Variants in RAPH1 observed in about 807,000 individuals in gnomAD.
The protein encoded by RAPH1 is ras-associated and pleckstrin homology domains-containing protein 1.
In RAPH1, 18 loss-of-function variants were observed where a neutral mutation model predicts 88.1. That is an observed-to-expected ratio of 0.20 (90% CI 0.14 to 0.30). The LOEUF (loss-of-function observed/expected upper bound fraction) is 0.30. RAPH1 is among the 10% of genes least tolerant of loss of function. The pLI, the probability that RAPH1 is intolerant of heterozygous loss-of-function variation, is 1.00. For missense variants in RAPH1, 1,448 were observed against 1,543.2 expected (o/e 0.94, Z 1.03); for synonymous variants, 587 against 559.0 (o/e 1.05, Z -0.71).
chr2:203,483,811 C>A (rs1260146906), intron 4 of RAPH1, among the ~76,000 whole-genome samples: 1 of 152,128 alleles, frequency 6.6e-6, no homozygotes, highest in Non-Finnish European at 1.5e-5. Flanking sequence ...ACACTCTGCT[C>A]CTACTCTTGG....
At chr2:203,471,813 C>CCTTAT (rs113534798) in intron 4 of RAPH1, among the ~76,000 whole-genome samples, 2 of 54,630 alleles carry the variant, frequency 3.7e-5, no homozygotes, top group Non-Finnish European at 8.1e-5. Flanking sequence ...CTCACCCATT[C>CCTTAT]TTTAAAAAAA....
At chr2:203,466,838 T>C (rs375489672) in intron 4 of RAPH1, among the ~76,000 whole-genome samples, 1 of 152,184 alleles carries the variant, frequency 6.6e-6, no homozygotes, top group East Asian at 1.9e-4. Context: ...GAAGATCCTA[T>C]GATTAAATGA....
chr2:203,493,989 A>G (rs1035296413), intron 2 of RAPH1, among the ~76,000 whole-genome samples: 4 of 150,586 alleles, frequency 2.7e-5, no homozygotes, highest in South Asian at 2.1e-4. Context: ...AAAAAAAAAA[A>G]AAAAAAAAAG....
rs2098497075 is a variant in RAPH1, at chr2:203,434,770, ATAAT to A, written c.*4663_*4666del. Reference sequence around the variant, plus strand: ...GTATTAGTAGCCATCCATGATAAACATAATTAATTCTCAACTTAACCATCTATAA... The same window carrying A: ...GTATTAGTAGCCATCCATGATAAACATAATTCTCAACTTAACCATCTATAA... On this transcript the variant is annotated 3_prime_UTR_variant, in exon 14 of 14. Coordinates refer to ENST00000319170, the MANE Select transcript of RAPH1 (RefSeq NM_213589.3). The A allele has an allele frequency of 2.0e-5, 3 of 152,572 alleles. No individual in the cohort carries two copies. Among genetic ancestry groups the A allele is most frequent in the South Asian group, 2.1e-4 (1 of 4,830 alleles). The allele number at this position is 152,572 out of a possible 1,614,324, so 9.5% of individuals were successfully genotyped here.
chr2:203,528,186 T>C (rs1230294629), intron 1 of RAPH1, among the ~76,000 whole-genome samples: 3 of 152,210 alleles, frequency 2.0e-5, no homozygotes, highest in African/African-American at 4.8e-5. Context: ...AACAGAAACA[T>C]GGTTAATGCA....
At chr2:203,450,995 A>G (rs2153637583) in intron 10 of RAPH1, among the ~76,000 whole-genome samples, 1 of 152,266 alleles carries the variant, frequency 6.6e-6, no homozygotes, top group East Asian at 1.9e-4. Flanking sequence ...GAATACAGAT[A>G]ATAACCTGAA....
chr2:203,457,692 A>G, intron 7 of RAPH1, 97 bp from the exon 8 acceptor site: 1 of 913,014 alleles, frequency 1.1e-6, no homozygotes, highest in Non-Finnish European at 1.8e-6. Flanking sequence ...AGGTGTGTGT[A>G]TGTTTTCTTC....
chr2:203,477,204 C>A, intron 4 of RAPH1: 1 of 1,417,702 alleles, frequency 7.1e-7, no homozygotes, highest in Non-Finnish European at 1.0e-6. Flanking sequence ...GGAGGTGAAA[C>A]GGGCAGTTCT....
chr2:203,531,775 T>C (rs527385914), intron 1 of RAPH1, among the ~76,000 whole-genome samples: 5 of 152,268 alleles, frequency 3.3e-5, no homozygotes, highest in Non-Finnish European at 7.4e-5. Flanking sequence ...ACTGGAACCT[T>C]TGTGCATTGC....
chr2:203,467,613 A>C lies in RAPH1; in HGVS notation c.733-5688T>G, dbSNP rs1392301719. ...GACTCTGTCTCAAAATAATAATAAA[A>C]ATTTTAAAAATTCGCTATATACAGG... On this transcript the variant is annotated intron_variant, in intron 4 of 13. Transcript: ENST00000319170. 5.9e-5 allele frequency among the ~76,000 whole-genome samples: 9 copies of C among 151,942 alleles called. No individual in the cohort carries two copies. In the South Asian group the frequency reaches 1.9e-3, roughly 32 times the overall value.
In RAPH1 at chr2:203,437,973, A is replaced by G. The variant is rs1466201185; in HGVS notation, c.*1464T>C. ...TAATAGTCCAATTTATCATAAGTTGATGAGAGTACTTATTTCTCTCATGTA... is the reference window on the plus strand; with the variant it reads ...TAATAGTCCAATTTATCATAAGTTGGTGAGAGTACTTATTTCTCTCATGTA... On this transcript the variant is annotated 3_prime_UTR_variant, in exon 14 of 14. Coordinates refer to ENST00000319170, the MANE Select transcript of RAPH1 (RefSeq NM_213589.3). 2.9e-6 allele frequency: 1 copy of G among 341,744 alleles called. No homozygotes were observed. The highest frequency in any genetic ancestry group is 7.9e-5 in the East Asian group (1 of 12,694). The allele number at this position is 341,744 out of a possible 1,614,324, so 21.2% of individuals were successfully genotyped here.
At chr2:203,530,778 G>A (rs1690354406) in intron 1 of RAPH1, among the ~76,000 whole-genome samples, 1 of 151,968 alleles carries the variant, frequency 6.6e-6, no homozygotes, top group Non-Finnish European at 1.5e-5. Flanking sequence ...TGTAATCCCA[G>A]CTACTCGGGA....
At position 203,502,677 on chromosome 2, in the gene RAPH1, G is replaced by A. The variant is rs1057195417; in HGVS notation, c.1-7324C>T. On this transcript the variant is annotated intron_variant, in intron 1 of 13. Transcript: ENST00000319170. Reference sequence around the variant, plus strand: ...TCTACTAAAAATACAAAAATTAGCCGGGTGTGGTGGCAGGTGCCTGTAGTC... The same window carrying A: ...TCTACTAAAAATACAAAAATTAGCCAGGTGTGGTGGCAGGTGCCTGTAGTC... 1.9e-4 allele frequency among the ~76,000 whole-genome samples: 29 copies of A among 151,508 alleles called. No individual in the cohort carries two copies. In the East Asian group the frequency reaches 3.9e-3, roughly 20 times the overall value.
intron 1 of RAPH1, among the ~76,000 whole-genome samples, chr2:203,509,010 G>C (rs544365686): frequency 3.2e-4 from 47 of 148,800 alleles, no homozygotes; most frequent in African/African-American, 1.2e-3. Flanking sequence ...ATCTTAGAAA[G>C]ATATTTATTC....
chr2:203,463,635 T>C (rs1019370419), intron 4 of RAPH1, among the ~76,000 whole-genome samples: 2 of 152,148 alleles, frequency 1.3e-5, no homozygotes, highest in African/African-American at 2.4e-5. Context: ...ATCTGTAAAC[T>C]CAATTAGGCA....
At chr2:203,505,838 C>T (rs573961982) in intron 1 of RAPH1, among the ~76,000 whole-genome samples, 17 of 152,150 alleles carry the variant, frequency 1.1e-4, no homozygotes, top group African/African-American at 1.4e-4. Context: ...TATACACACA[C>T]GCGCGCGCAC....
chr2:203,510,952 C>G (rs1688539842), intron 1 of RAPH1, among the ~76,000 whole-genome samples: 1 of 151,728 alleles, frequency 6.6e-6, no homozygotes, highest in Non-Finnish European at 1.5e-5. Flanking sequence ...TTAAAAAAAA[C>G]TAAAAGTTTA....
chr2:203,446,786 C>T (rs1317344972), intron 12 of RAPH1: 1 of 151,916 alleles, frequency 6.6e-6, no homozygotes, highest in East Asian at 1.9e-4. Flanking sequence ...TTCTGTTGCA[C>T]AAGCTGGAGC....
At chr2:203,452,159 GT>G (rs2098515460) in intron 10 of RAPH1, among the ~76,000 whole-genome samples, 1 of 152,116 alleles carries the variant, frequency 6.6e-6, no homozygotes, top group African/African-American at 2.4e-5. Flanking sequence ...AACTTTTACT[GT>G]TTTCATGTTA....
Sources: gnomAD v4.1 joint callset for allele counts (sites outside exome capture counted in the v4.1 genomes callset) on GRCh38, gnomAD v4.1.1 for gene constraint, MANE v1.5 for transcripts, NCBI Gene and HGNC (gene_info 2026-07-23, HGNC 2026-07-21) for gene names.